Variants in CACNA2D3 observed in about 807,000 individuals in gnomAD.
The protein encoded by CACNA2D3 is calcium voltage-gated channel auxiliary subunit alpha2delta 3.
CACNA2D3 carries 60 observed loss-of-function variants against 160.6 expected under a neutral mutation model. The observed-to-expected ratio is 0.37, with a 90% CI of 0.30 to 0.46. The LOEUF (loss-of-function observed/expected upper bound fraction) is 0.46. CACNA2D3 is among the 20% of genes least tolerant of loss of function. The pLI is 1.00. For missense variants in CACNA2D3, 1,205 were observed against 1,365.0 expected (o/e 0.88, Z 1.85); for synonymous variants, 558 against 492.9 (o/e 1.13, Z -1.75).
chr3:54,346,632 A>G (rs73841986), intron 3 of CACNA2D3, among the ~76,000 whole-genome samples: 5,748 of 152,226 alleles, frequency 0.038, 382 homozygotes, highest in African/African-American at 0.13. Flanking sequence ...TCGCATTATT[A>G]ACATCTTGTA....
intron 4 of CACNA2D3, among the ~76,000 whole-genome samples, chr3:54,407,253 TAG>T (rs890190063): frequency 3.3e-5 from 5 of 152,160 alleles, no homozygotes; most frequent in African/African-American, 7.2e-5. Flanking sequence ...GTGTTTTTCA[TAG>T]AGATAGGGAA....
chr3:54,740,269 A>G (rs1189567709), intron 11 of CACNA2D3, among the ~76,000 whole-genome samples: 1 of 152,192 alleles, frequency 6.6e-6, no homozygotes, highest in African/African-American at 2.4e-5. Flanking sequence ...TGCTTAGGAT[A>G]AAATACAACT....
At chr3:54,806,004 C>G (rs139454618) in intron 13 of CACNA2D3, among the ~76,000 whole-genome samples, 6 of 152,094 alleles carry the variant, frequency 3.9e-5, no homozygotes, top group Middle Eastern at 3.4e-3. Context: ...ATTCAACAAC[C>G]CTTCATGCTA....
At chr3:54,134,806 T>C (rs933637154) in intron 2 of CACNA2D3, among the ~76,000 whole-genome samples, 1 of 152,192 alleles carries the variant, frequency 6.6e-6, no homozygotes, top group Admixed American at 6.5e-5. Context: ...GTCAGCACGC[T>C]AGAGGCATGC....
chr3:54,600,657 A>C (rs1703043884), intron 9 of CACNA2D3, among the ~76,000 whole-genome samples: 1 of 152,168 alleles, frequency 6.6e-6, no homozygotes, highest in Non-Finnish European at 1.5e-5. Flanking sequence ...GTGTGCTGTG[A>C]GGCAATGAGG....
chr3:55,003,474 A>G (rs1291772996), intron 31 of CACNA2D3, among the ~76,000 whole-genome samples: 1 of 152,144 alleles, frequency 6.6e-6, no homozygotes, highest in African/African-American at 2.4e-5. Flanking sequence ...GGTGAATAGG[A>G]AAAAAAGGCA....
intron 3 of CACNA2D3, among the ~76,000 whole-genome samples, chr3:54,325,103 G>A (rs1430350273): frequency 6.6e-6 from 1 of 152,166 alleles, no homozygotes; most frequent in Non-Finnish European, 1.5e-5. Flanking sequence ...GCCCTTCAGG[G>A]GGAGTAGCAC....
intron 4 of CACNA2D3, among the ~76,000 whole-genome samples, chr3:54,429,306 T>G (rs1182734603): frequency 6.6e-6 from 1 of 152,218 alleles, no homozygotes; most frequent in African/African-American, 2.4e-5. Context: ...CAGAAAAACT[T>G]GAGACCCATG....
At chr3:54,524,836 G>T in intron 5 of CACNA2D3, among the ~76,000 whole-genome samples, 1 of 152,048 alleles carries the variant, frequency 6.6e-6, no homozygotes, top group East Asian at 1.9e-4. Flanking sequence ...AAGAAGGGTT[G>T]CTGTTTCCAT....
chr3:54,304,063 A>G (rs1575383062), intron 2 of CACNA2D3, among the ~76,000 whole-genome samples: 1 of 152,072 alleles, frequency 6.6e-6, no homozygotes, highest in Non-Finnish European at 1.5e-5. Context: ...GTTTGGTCAG[A>G]TAATCCTTTG....
At chr3:54,516,060 G>A (rs890103515) in intron 5 of CACNA2D3, among the ~76,000 whole-genome samples, 1 of 152,206 alleles carries the variant, frequency 6.6e-6, no homozygotes, top group African/African-American at 2.4e-5. Flanking sequence ...ATGCATCAGG[G>A]ACATGTGTCA....
At chr3:54,563,816 C>T (rs1359159554) in intron 6 of CACNA2D3, among the ~76,000 whole-genome samples, 1 of 152,146 alleles carries the variant, frequency 6.6e-6, no homozygotes, top group Non-Finnish European at 1.5e-5. Context: ...CTTTGAGGCA[C>T]AGACTGCCGG....
intron 31 of CACNA2D3, among the ~76,000 whole-genome samples, chr3:55,002,442 A>T (rs1250973085): frequency 1.3e-5 from 2 of 152,220 alleles, no homozygotes; most frequent in Non-Finnish European, 2.9e-5. Context: ...CTGGCGGGCC[A>T]GTCAGGGACC....
intron 2 of CACNA2D3, among the ~76,000 whole-genome samples, chr3:54,199,433 G>C (rs1701137744): frequency 6.6e-6 from 1 of 152,058 alleles, no homozygotes; most frequent in African/African-American, 2.4e-5. Context: ...GTGTGGTCTT[G>C]GATCACTGCA....
chr3:54,810,079 T>C (rs1703259675), intron 13 of CACNA2D3, among the ~76,000 whole-genome samples: 1 of 152,092 alleles, frequency 6.6e-6, no homozygotes, highest in Non-Finnish European at 1.5e-5. Context: ...GGGTAGGGAA[T>C]CAGTGAGGCA....
At chr3:54,883,784 C>CATAGTTA (rs1422617397) in intron 21 of CACNA2D3, among the ~76,000 whole-genome samples, 1 of 66,608 alleles carries the variant, frequency 1.5e-5, no homozygotes, top group Non-Finnish European at 3.2e-5. Context: ...TCCTGACCTC[C>CATAGTTA]ATAGTTACAA....
chr3:54,518,849 G>A (rs1701597861), intron 5 of CACNA2D3, among the ~76,000 whole-genome samples: 1 of 152,128 alleles, frequency 6.6e-6, no homozygotes, highest in Non-Finnish European at 1.5e-5. Flanking sequence ...TACAGGAAAA[G>A]CCATCTTCAG....
intron 4 of CACNA2D3, among the ~76,000 whole-genome samples, chr3:54,475,558 A>G (rs540838833): frequency 6.6e-6 from 1 of 152,048 alleles, no homozygotes; most frequent in Admixed American, 6.6e-5. Context: ...TCTTCTTGGG[A>G]TGATGGGAGA....
At chr3:54,526,392 T>C (rs1701723335) in intron 5 of CACNA2D3, among the ~76,000 whole-genome samples, 1 of 152,192 alleles carries the variant, frequency 6.6e-6, no homozygotes, top group Non-Finnish European at 1.5e-5. Context: ...ATTTTCCTAT[T>C]TTTTGCATGT....
Sources: gnomAD v4.1 joint callset for allele counts (sites outside exome capture counted in the v4.1 genomes callset) on GRCh38, gnomAD v4.1.1 for gene constraint, MANE v1.5 for transcripts, NCBI Gene and HGNC (gene_info 2026-07-23, HGNC 2026-07-21) for gene names.